The following C16orf89 variants were observed in gnomAD, a reference collection of about 807,000 sequenced individuals.
The protein encoded by C16orf89 is UPF0764 protein C16orf89.
Under a neutral mutation model 41.5 loss-of-function variants are expected in C16orf89, and 57 were observed. That is an observed-to-expected ratio of 1.38 (90% CI 1.11 to 1.71). The LOEUF (loss-of-function observed/expected upper bound fraction) is 1.71. C16orf89 is among the 40% of genes most tolerant of loss of function. The pLI is 0.00. For missense variants in C16orf89, 575 were observed against 445.9 expected (o/e 1.29, Z -2.61); for synonymous variants, 223 against 190.6 (o/e 1.17, Z -1.40).
chr16:5,061,432 C>CAAAAA (rs59903296), intron 2 of C16orf89, among the ~76,000 whole-genome samples: 2 of 25,242 alleles, frequency 7.9e-5, no homozygotes, highest in Non-Finnish European at 1.2e-4. Context: ...GACTCTGTCT[C>CAAAAA]AAAAAAAAAA....
chr16:5,055,468 G>C, intron 5 of C16orf89, 118 bp from the exon 6 acceptor site: 2 of 1,053,898 alleles, frequency 1.9e-6, no homozygotes, highest in Non-Finnish European at 2.8e-6. Flanking sequence ...TTAGGAGGTG[G>C]GCGTTCAATG....
chr16:5,043,855 AC>A (rs947059059), downstream of C16orf89: 2 of 152,950 alleles, frequency 1.3e-5, no homozygotes, highest in African/African-American at 4.8e-5. Flanking sequence ...TCCCATCTCT[AC>A]AAAAAATTTA....
chr16:5,052,548 A>G (rs948411889), intron 6 of C16orf89, among the ~76,000 whole-genome samples: 5 of 152,068 alleles, frequency 3.3e-5, no homozygotes, highest in South Asian at 4.2e-4. Flanking sequence ...CCGAGATCGC[A>G]CCACTGCACT....
At chr16:5,060,559 G>A (rs1361531650) in intron 2 of C16orf89, 123 bp from the exon 3 acceptor site, 14 of 1,022,192 alleles carry the variant, frequency 1.4e-5, no homozygotes, top group Non-Finnish European at 1.8e-5. Flanking sequence ...AGGGCTCTAA[G>A]CCCTGTCCCC....
Position 5,062,461 on chromosome 16 carries a change from G to A in C16orf89, c.322C>T (p.His108Tyr). Residue 108 changes from histidine (H) to tyrosine (Y), a missense_variant, in exon 2 of 8, where the codon CAC (histidine) becomes TAC (tyrosine). Transcript: ENST00000472572. ...TTGGGATCACTCAGCTTGAGGTAGT[G>A]GAGGGATCTCTGGATGGCAGCCTCC... ...KLEAAIQRSL[H>Y]YLKLSDPKYL... 1.2e-6 allele frequency: 2 copies of A among 1,614,092 alleles called. No individual in the cohort carries two copies. Among genetic ancestry groups the A allele is most frequent in the South Asian group, 1.1e-5 (1 of 91,084 alleles).
intron 5 of C16orf89, 113 bp downstream of exon 5, chr16:5,055,939 GT>G: frequency 1.3e-4 from 1 of 7,462 alleles, no homozygotes; most frequent in Non-Finnish European, 2.9e-4. Flanking sequence ...TGGCAACTCC[GT>G]GTGTGTGTGT....
At chr16:5,044,625 T>G (rs1956261144) in intron 7 of C16orf89, 147 bp from the exon 8 acceptor site, 2 of 1,435,318 alleles carry the variant, frequency 1.4e-6, no homozygotes, top group South Asian at 1.2e-5. Flanking sequence ...GCGGATCTCT[T>G]GAGATCAGGA....
chr16:5,050,878 G>A (rs1386836523), intron 6 of C16orf89, among the ~76,000 whole-genome samples: 1 of 152,130 alleles, frequency 6.6e-6, no homozygotes, highest in Non-Finnish European at 1.5e-5. Flanking sequence ...TTTATTGGAG[G>A]GATGCAAGGA....
intron 1 of C16orf89, 29 bp from the exon 2 acceptor site, chr16:5,062,603 A>G (rs1318280085): frequency 6.5e-7 from 1 of 1,544,994 alleles, no homozygotes; most frequent in Non-Finnish European, 8.7e-7. Flanking sequence ...AATTCATTCA[A>G]CTATTTGGAA....
At chr16:5,051,291 A>G (rs984054230) in intron 6 of C16orf89, among the ~76,000 whole-genome samples, 3 of 152,234 alleles carry the variant, frequency 2.0e-5, no homozygotes, top group Non-Finnish European at 2.9e-5. Flanking sequence ...ATGATCTGAT[A>G]GACAGGAAAC....
chr16:5,052,602 AG>A (rs1273090474), intron 6 of C16orf89, among the ~76,000 whole-genome samples: 8 of 115,190 alleles, frequency 6.9e-5, no homozygotes, highest in East Asian at 4.5e-4. Context: ...AAAGAAAGAA[AG>A]AAAAAAAAAA....
downstream of C16orf89, chr16:5,044,066 A>AC (rs1567147846): frequency 9.6e-7 from 1 of 1,043,912 alleles, no homozygotes; most frequent in African/African-American, 1.7e-5. Context: ...GTTGAAACAG[A>AC]CCAAGAGGTT....
intron 6 of C16orf89, among the ~76,000 whole-genome samples, chr16:5,052,981 G>A (rs73512383): frequency 0.028 from 4,308 of 152,236 alleles, 193 homozygotes; most frequent in African/African-American, 0.098. Context: ...TAGCAACATC[G>A]ATGAACTTGG....
intron 1 of C16orf89, among the ~76,000 whole-genome samples, chr16:5,064,440 C>T (rs1426415429): frequency 1.3e-5 from 2 of 152,206 alleles, no homozygotes; most frequent in Non-Finnish European, 2.9e-5. Flanking sequence ...GACATATACA[C>T]ACAATCTCAT....
intron 7 of C16orf89, among the ~76,000 whole-genome samples, chr16:5,046,325 T>C (rs1368122676): frequency 4.0e-5 from 6 of 151,554 alleles, no homozygotes; most frequent in Admixed American, 3.3e-4. Flanking sequence ...CCTGCACTTA[T>C]TTATTTTTTA....
intron 7 of C16orf89, 190 bp from the exon 8 acceptor site, chr16:5,044,668 CCT>C: frequency 8.5e-7 from 1 of 1,176,060 alleles, no homozygotes; most frequent in Non-Finnish European, 1.2e-6. Context: ...ATGATGAAAC[CCT>C]GTCTCTACTA....
intron 3 of C16orf89, among the ~76,000 whole-genome samples, chr16:5,059,800 GC>G (rs1956578949): frequency 1.3e-5 from 2 of 152,244 alleles, no homozygotes; most frequent in East Asian, 3.9e-4. Context: ...GCCAGGAGAG[GC>G]CCTCACAGGA....
intron 2 of C16orf89, among the ~76,000 whole-genome samples, 165 bp downstream of exon 2, chr16:5,062,260 G>A (rs930559357): frequency 1.3e-5 from 2 of 152,158 alleles, no homozygotes; most frequent in African/African-American, 2.4e-5. Context: ...AAGGATGACC[G>A]CACGTCCCCA....
intron 6 of C16orf89, among the ~76,000 whole-genome samples, chr16:5,048,785 GA>G (rs1304291816): frequency 6.6e-6 from 1 of 151,680 alleles, no homozygotes; most frequent in Admixed American, 6.6e-5. Flanking sequence ...ATAACAATAA[GA>G]AAGGAAGAAA....
Sources: gnomAD v4.1 joint callset for allele counts (sites outside exome capture counted in the v4.1 genomes callset) on GRCh38, gnomAD v4.1.1 for gene constraint, MANE v1.5 for transcripts, NCBI Gene and HGNC (gene_info 2026-07-23, HGNC 2026-07-21) for gene names.